Variants in QTMAN observed in about 807,000 individuals in gnomAD.
QTMAN encodes the protein queuosine-tRNA mannosyltransferase.
chr2:144,328,612 G>A, the QTMAN span, among the ~76,000 whole-genome samples: 4 of 152,068 alleles, frequency 2.6e-5, no homozygotes, highest in African/African-American at 9.7e-5. Flanking sequence ...AAATATCTTC[G>A]GTCTGAATAG....
the QTMAN span, among the ~76,000 whole-genome samples, chr2:144,088,420 C>T: frequency 6.0e-4 from 91 of 152,092 alleles, 3 homozygotes; most frequent in South Asian, 0.018. Context: ...ATATTAAATG[C>T]AATCCCTATC....
At chr2:143,950,620 T>C in the QTMAN span, among the ~76,000 whole-genome samples, 3 of 151,682 alleles carry the variant, frequency 2.0e-5, no homozygotes, top group African/African-American at 7.2e-5. Context: ...TGAAAATAGC[T>C]TTGTGTCATA....
At chr2:144,304,712 TG>T in the QTMAN span, among the ~76,000 whole-genome samples, 2 of 152,222 alleles carry the variant, frequency 1.3e-5, no homozygotes. Flanking sequence ...CCCAAAGTGC[TG>T]GGATTACAGA....
chr2:143,948,577 C>A, the QTMAN span, among the ~76,000 whole-genome samples: 17 of 152,040 alleles, frequency 1.1e-4, no homozygotes, highest in African/African-American at 4.1e-4. Context: ...ATATTCATTT[C>A]TATACTGGTA....
chr2:144,264,784 A>G, the QTMAN span, among the ~76,000 whole-genome samples: 1 of 152,202 alleles, frequency 6.6e-6, no homozygotes, highest in Non-Finnish European at 1.5e-5. Context: ...AGACTGCCTC[A>G]AGCTAACTCA....
the QTMAN span, among the ~76,000 whole-genome samples, chr2:143,966,551 A>G: frequency 6.6e-6 from 1 of 152,008 alleles, no homozygotes; most frequent in Admixed American, 6.6e-5. Context: ...AGGAAAACGG[A>G]CTCCCAGGTT....
chr2:144,269,642 A>G, the QTMAN span, among the ~76,000 whole-genome samples: 12 of 152,096 alleles, frequency 7.9e-5, no homozygotes. Flanking sequence ...GGTTCTAATG[A>G]AACATTCCAA....
At chr2:144,307,162 A>T in the QTMAN span, among the ~76,000 whole-genome samples, 4 of 91,440 alleles carry the variant, frequency 4.4e-5, no homozygotes, top group African/African-American at 1.1e-4. Context: ...TCCGTCTTAA[A>T]AAAAAAAAAA....
the QTMAN span, among the ~76,000 whole-genome samples, chr2:144,297,641 C>T: frequency 4.7e-4 from 65 of 139,244 alleles, no homozygotes; most frequent in Middle Eastern, 4.4e-3. Flanking sequence ...AGTGCAGTGG[C>T]GCAATCTTGG....
At chr2:144,328,915 G>A in the QTMAN span, among the ~76,000 whole-genome samples, 2 of 152,010 alleles carry the variant, frequency 1.3e-5, no homozygotes, top group Admixed American at 1.3e-4. Context: ...ATGGAGTGTT[G>A]GTTTGTACTT....
chr2:144,140,768 C>T, the QTMAN span, among the ~76,000 whole-genome samples: 1 of 151,974 alleles, frequency 6.6e-6, no homozygotes, highest in East Asian at 1.9e-4. Context: ...CAGTCTGTGA[C>T]AACGACAAGG....
At chr2:144,003,674 A>G in the QTMAN span, among the ~76,000 whole-genome samples, 1 of 152,054 alleles carries the variant, frequency 6.6e-6, no homozygotes, top group South Asian at 2.1e-4. Context: ...GAATGAGGAG[A>G]GGGGCAAGCA....
At chr2:144,298,115 T>G in the QTMAN span, among the ~76,000 whole-genome samples, 1 of 151,418 alleles carries the variant, frequency 6.6e-6, no homozygotes, top group Non-Finnish European at 1.5e-5. Context: ...GCCTCCCAGG[T>G]TCACGCCATT....
chr2:143,964,977 G>A, the QTMAN span, among the ~76,000 whole-genome samples: 380 of 151,936 alleles, frequency 2.5e-3, 1 homozygote, highest in African/African-American at 8.7e-3. Flanking sequence ...ATAATATTTT[G>A]TTTAGAATTA....
At chr2:144,236,731 T>C in the QTMAN span, among the ~76,000 whole-genome samples, 4 of 152,028 alleles carry the variant, frequency 2.6e-5, no homozygotes, top group African/African-American at 7.2e-5. Flanking sequence ...TAGCCAAACA[T>C]ATCTCTTAAA....
At chr2:144,292,146 T>C in the QTMAN span, among the ~76,000 whole-genome samples, 1 of 152,154 alleles carries the variant, frequency 6.6e-6, no homozygotes, top group Non-Finnish European at 1.5e-5. Flanking sequence ...TTAAAGATGG[T>C]CTATTACCTT....
chr2:144,246,576 T>A, the QTMAN span, among the ~76,000 whole-genome samples: 2 of 93,896 alleles, frequency 2.1e-5, no homozygotes, highest in African/African-American at 5.4e-5. Flanking sequence ...CGAGACTCCG[T>A]CTCAAAAAAA....
the QTMAN span, chr2:143,945,966 G>A: frequency 6.6e-6 from 1 of 152,292 alleles, no homozygotes; most frequent in South Asian, 2.1e-4. Context: ...CGTTCAGTGA[G>A]AAACACATAG....
the QTMAN span, among the ~76,000 whole-genome samples, chr2:144,247,520 A>G: frequency 6.6e-6 from 1 of 152,194 alleles, no homozygotes. Context: ...TGTAATAGTG[A>G]AAAATCTTCA....
Sources: gnomAD v4.1 joint callset for allele counts (sites outside exome capture counted in the v4.1 genomes callset) on GRCh38, gnomAD v4.1.1 for gene constraint, MANE v1.5 for transcripts, NCBI Gene and HGNC (gene_info 2026-07-23, HGNC 2026-07-21) for gene names.